Variants in CCDC7 observed in about 807,000 individuals in gnomAD.
CCDC7 encodes the protein coiled-coil domain-containing protein 7.
CCDC7 carries 183 observed loss-of-function variants against 196.9 expected under a neutral mutation model. The observed-to-expected ratio is 0.93, with a 90% CI of 0.82 to 1.05. The LOEUF is 1.05. Ranked by LOEUF, CCDC7 falls within the 50% of genes least tolerant of loss-of-function variation. The probability of loss-of-function intolerance (pLI) is 0.00; values close to 1 mark genes in which losing one functional copy is unlikely to be tolerated. For missense variants in CCDC7, 1,540 were observed against 1,482.2 expected (o/e 1.04, Z -0.64); for synonymous variants, 525 against 484.6 (o/e 1.08, Z -1.10).
At chr10:32,868,337 T>A (rs1398029111) in intron 41 of CCDC7, among the ~76,000 whole-genome samples, 1 of 152,004 alleles carries the variant, frequency 6.6e-6, no homozygotes, top group African/African-American at 2.4e-5. Context: ...CTCACCATAC[T>A]GTTTACCACA....
chr10:32,468,607 C>G (rs1455708158), intron 5 of CCDC7, among the ~76,000 whole-genome samples: 1 of 152,052 alleles, frequency 6.6e-6, no homozygotes, highest in Non-Finnish European at 1.5e-5. Flanking sequence ...ACCAGGACTT[C>G]CAATACTGTG....
At chr10:32,705,090 G>T (rs761137902) in intron 24 of CCDC7, among the ~76,000 whole-genome samples, 2 of 152,114 alleles carry the variant, frequency 1.3e-5, no homozygotes, top group African/African-American at 4.8e-5. Flanking sequence ...GAAATCATTC[G>T]TGTTCTGCAT....
At chr10:32,631,299 T>C (rs1254661984) in intron 18 of CCDC7, among the ~76,000 whole-genome samples, 1 of 152,210 alleles carries the variant, frequency 6.6e-6, no homozygotes, top group Non-Finnish European at 1.5e-5. Flanking sequence ...ACTCTTAATA[T>C]TTAGGTCTGC....
chr10:32,540,185 G>C (rs1312684913), intron 11 of CCDC7, among the ~76,000 whole-genome samples: 3 of 152,024 alleles, frequency 2.0e-5, no homozygotes, highest in Admixed American at 6.6e-5. Flanking sequence ...CTTACCCTGG[G>C]TATCAATCTG....
At chr10:32,492,913 G>A (rs548866901) in intron 9 of CCDC7, among the ~76,000 whole-genome samples, 1 of 152,096 alleles carries the variant, frequency 6.6e-6, no homozygotes, top group African/African-American at 2.4e-5. Context: ...TTTTTCACCT[G>A]TAAACTCATT....
At chr10:32,667,000 A>G (rs1213108889) in intron 21 of CCDC7, among the ~76,000 whole-genome samples, 1 of 152,128 alleles carries the variant, frequency 6.6e-6, no homozygotes. Flanking sequence ...CAACAGTGTA[A>G]AAGCGTTCCT....
chr10:32,648,103 G>A (rs1245721569), intron 20 of CCDC7, among the ~76,000 whole-genome samples: 1 of 152,154 alleles, frequency 6.6e-6, no homozygotes, highest in Non-Finnish European at 1.5e-5. Context: ...CTCATTGCTT[G>A]TTTTTGTTGG....
chr10:32,662,807 A>G (rs192068975), intron 20 of CCDC7, among the ~76,000 whole-genome samples: 6 of 152,292 alleles, frequency 3.9e-5, no homozygotes, highest in East Asian at 1.9e-4. Context: ...CTAGATAACC[A>G]ATGAGAGTAG....
At chr10:32,834,846 T>A in exon 33 of CCDC7, 1 of 1,464,228 alleles carries the variant, frequency 6.8e-7, no homozygotes, top group South Asian at 1.1e-5. Flanking sequence ...AAGGTGTTAA[T>A]GGAAAAGATA....
chr10:32,732,873 C>T (rs56266329), intron 28 of CCDC7, among the ~76,000 whole-genome samples: 30,066 of 151,998 alleles, frequency 0.2, 4,726 homozygotes, highest in African/African-American at 0.44. Flanking sequence ...CAATTTTTCA[C>T]CATTGTACTT....
chr10:32,732,253 A>G (rs1333333884), intron 28 of CCDC7, among the ~76,000 whole-genome samples: 1 of 152,194 alleles, frequency 6.6e-6, no homozygotes, highest in Non-Finnish European at 1.5e-5. Context: ...ATCTCATATT[A>G]CAAAACTTAA....
chr10:32,851,718 A>C, intron 39 of CCDC7, 89 bp from the exon 41 acceptor site: 1 of 1,209,906 alleles, frequency 8.3e-7, no homozygotes. Context: ...AGATGCTTTG[A>C]TGTTGTGTGC....
chr10:32,856,373 C>T (rs2093753305), intron 41 of CCDC7, among the ~76,000 whole-genome samples: 1 of 152,142 alleles, frequency 6.6e-6, no homozygotes, highest in African/African-American at 2.4e-5. Flanking sequence ...ACCACAACAA[C>T]AGAACTCAAT....
At chr10:32,803,421 C>A (rs2085200573) in intron 29 of CCDC7, among the ~76,000 whole-genome samples, 1 of 152,090 alleles carries the variant, frequency 6.6e-6, no homozygotes, top group African/African-American at 2.4e-5. Flanking sequence ...ACTGGGTTCT[C>A]TAGGGTTAGC....
intron 16 of CCDC7, among the ~76,000 whole-genome samples, chr10:32,579,751 A>G (rs907922976): frequency 6.6e-6 from 1 of 152,126 alleles, no homozygotes; most frequent in African/African-American, 2.4e-5. Context: ...CACTATAGCC[A>G]TTCTCACTGA....
chr10:32,851,268 G>A (rs1238483099), intron 39 of CCDC7, among the ~76,000 whole-genome samples: 2 of 151,952 alleles, frequency 1.3e-5, no homozygotes, highest in African/African-American at 4.8e-5. Flanking sequence ...TGTATGTTAC[G>A]TTTTTATTTT....
intron 21 of CCDC7, among the ~76,000 whole-genome samples, chr10:32,673,056 T>C (rs2074329970): frequency 6.6e-6 from 1 of 152,184 alleles, no homozygotes; most frequent in Non-Finnish European, 1.5e-5. Context: ...GAGACTATGC[T>C]TTCCCTTTTG....
intron 28 of CCDC7, among the ~76,000 whole-genome samples, chr10:32,752,982 T>C (rs12265464): frequency 0.11 from 17,248 of 152,158 alleles, 1,161 homozygotes; most frequent in South Asian, 0.27. Flanking sequence ...AAGAGATTAA[T>C]TGATGGTTAT....
chr10:32,871,333 A>AT lies in CCDC7; in HGVS notation c.4112-5013dup, dbSNP rs1565774431. Reference sequence around the variant, plus strand: ...TTCTTCCTGGTTTAGTCTTGGGAGGATGTATGTGTTGAGGAATTTATCCAT... The same window carrying AT: ...TTCTTCCTGGTTTAGTCTTGGGAGGATTGTATGTGTTGAGGAATTTATCCAT... On this transcript the variant is annotated intron_variant, in intron 41 of 41. Transcript: ENST00000639629. Among the ~76,000 whole-genome samples, 4 of 151,564 alleles carry AT rather than the reference A, an allele frequency of 2.6e-5. No individual in the cohort carries two copies. The South Asian group carries it at 8.3e-4, about 32-fold the overall frequency.
Sources: gnomAD v4.1 joint callset for allele counts (sites outside exome capture counted in the v4.1 genomes callset) on GRCh38, gnomAD v4.1.1 for gene constraint, MANE v1.5 for transcripts, NCBI Gene and HGNC (gene_info 2026-07-23, HGNC 2026-07-21) for gene names.